The following SLC6A9 variants were observed in gnomAD, a reference collection of about 807,000 sequenced individuals.
SLC6A9 encodes solute carrier family 6 member 9.
A neutral mutation model predicts 70.9 loss-of-function variants in SLC6A9; 31 were observed. The observed-to-expected ratio is 0.44, with a 90% CI of 0.33 to 0.59. The LOEUF (loss-of-function observed/expected upper bound fraction) is 0.59, where lower values mean the gene tolerates loss of function less well. Ranked by LOEUF, SLC6A9 falls within the 20% of genes least tolerant of loss-of-function variation. The pLI is 0.04. For synonymous variants in SLC6A9, 310 were observed against 341.3 expected, an observed-to-expected ratio of 0.91 and a Z score of 1.01; for missense variants, 631 against 845.2, an observed-to-expected ratio of 0.75 and a Z score of 3.14.
chr1:44,017,408 C>CAGAG (rs1491096587), intron 2 of SLC6A9: 2 of 958,138 alleles, frequency 2.1e-6, no homozygotes, highest in African/African-American at 3.7e-5. Flanking sequence ...CACACACACA[C>CAGAG]AGACTGGGGC....
intron 5 of SLC6A9, 26 bp downstream of exon 5, chr1:44,008,327 C>G (rs202006940): frequency 1.2e-4 from 197 of 1,610,498 alleles, no homozygotes; most frequent in Non-Finnish European, 1.6e-4. Flanking sequence ...AGGTTCCCCC[C>G]ACCCCAGGTC....
chr1:44,010,545 C>T, intron 3 of SLC6A9, 181 bp downstream of exon 3: 1 of 547,772 alleles, frequency 1.8e-6, no homozygotes, highest in Non-Finnish European at 3.2e-6. Flanking sequence ...AACAGACTGC[C>T]AGGGTCTGGG....
chr1:44,008,741 T>C, intron 4 of SLC6A9, 118 bp from the exon 5 acceptor site: 1 of 801,522 alleles, frequency 1.2e-6, no homozygotes, highest in East Asian at 2.7e-5. Flanking sequence ...AGTCTAGCTC[T>C]GTTGCCCAGG....
chr1:44,029,656 C>T (rs957487960), intron 1 of SLC6A9, among the ~76,000 whole-genome samples: 7 of 152,184 alleles, frequency 4.6e-5, no homozygotes, highest in Admixed American at 3.9e-4. Context: ...CTTCCTTGTG[C>T]CCAAGTCTGG....
rs1398675230 is a variant in SLC6A9, at chr1:44,008,450, G to T, written c.493C>A (p.Leu165Ile). 2.5e-6 allele frequency: 4 copies of T among 1,614,074 alleles called. No individual in the cohort carries two copies. The highest frequency in any genetic ancestry group is 3.4e-6 in the Non-Finnish European group (4 of 1,180,004). Residue 165 changes from leucine to isoleucine, a missense_variant, in exon 5 of 14, where the codon CTC becomes ATC. By Grantham distance (5) the Leu-to-Ile change is conservative (BLOSUM62 2). Transcript: ENST00000372310. ...DCAGVLDASN[L>I]TNGSRPAALP... ...GCGGCTGGCCGAGAGCCATTGGTGA[G>T]GTTGGAGGCGTCCAGTACACCGGCG...
intron 4 of SLC6A9, among the ~76,000 whole-genome samples, chr1:44,009,297 A>G (rs1434503729): frequency 6.8e-6 from 1 of 148,148 alleles, no homozygotes; most frequent in African/African-American, 2.5e-5. Context: ...TTGGCTCACT[A>G]CAAGCTCTGC....
At chr1:44,017,112 C>T (rs1187945067) in intron 2 of SLC6A9, 1 of 1,606,394 alleles carries the variant, frequency 6.2e-7, no homozygotes. Flanking sequence ...GCGATCGCAG[C>T]CCGCGTGTCT....
rs115541116 is a variant in SLC6A9 at position 44,016,515 on chromosome 1, G to A, written c.31-5633C>T. The stretch of plus-strand genomic sequence containing the variant: ...CGGCGTCCAGGGATGAGGACACACC[G>A]GCTCCCAGCCCATGCGGGCACTTGC... On this transcript the variant is annotated intron_variant, in intron 2 of 13. Coordinates refer to ENST00000372310, the MANE Select transcript of SLC6A9 (RefSeq NM_001024845.3). 533 of 153,320 alleles carry A rather than the reference G, an allele frequency of 3.5e-3. 2 individuals carry two copies. The highest frequency in any genetic ancestry group is 5.6e-3 in the Non-Finnish European group (388 of 68,822). The allele number at this position is 153,320 out of a possible 1,614,324, so 9.5% of individuals were successfully genotyped here.
intron 2 of SLC6A9, among the ~76,000 whole-genome samples, chr1:44,020,280 CA>C (rs992278436): frequency 2.0e-5 from 3 of 152,230 alleles, no homozygotes; most frequent in Admixed American, 2.0e-4. Flanking sequence ...CGATGCTGAT[CA>C]GCAGAGTGCC....
chr1:44,015,137 A>C (rs1292547838), intron 2 of SLC6A9, among the ~76,000 whole-genome samples: 1 of 152,222 alleles, frequency 6.6e-6, no homozygotes. Flanking sequence ...ACACACAAAA[A>C]AATTAGAAAA....
chr1:44,019,975 G>GGGCCC (rs1442806117), intron 2 of SLC6A9, among the ~76,000 whole-genome samples: 1 of 152,178 alleles, frequency 6.6e-6, no homozygotes, highest in Non-Finnish European at 1.5e-5. Flanking sequence ...AGGGAGGGCA[G>GGGCCC]GGCCCCCGAC....
intron 2 of SLC6A9, among the ~76,000 whole-genome samples, chr1:44,020,553 G>T (rs941664698): frequency 4.6e-5 from 7 of 152,320 alleles, no homozygotes; most frequent in Admixed American, 4.6e-4. Flanking sequence ...TGCACTAGTT[G>T]AGCATTTGCC....
At chr1:44,019,356 C>T (rs1410565871) in intron 2 of SLC6A9, among the ~76,000 whole-genome samples, 1 of 152,234 alleles carries the variant, frequency 6.6e-6, no homozygotes, top group Non-Finnish European at 1.5e-5. Flanking sequence ...AAGATGGGGA[C>T]AGGCCTTGGC....
chr1:44,011,366 C>T lies in SLC6A9; in HGVS notation c.31-484G>A, dbSNP rs192270735. On this transcript the variant is annotated intron_variant, in intron 2 of 13. Transcript: ENST00000372310. ...CACGCTGCCCCTGGGCAGGCGACTG[C>T]GGGGGAGGGGAGGTTAGACCCCTCC... Among the ~76,000 whole-genome samples, 247 of 152,148 alleles carry T rather than the reference C, an allele frequency of 1.6e-3. 3 individuals are homozygous for T. In the East Asian group the frequency reaches 0.036, roughly 22 times the overall value.
intron 1 of SLC6A9, among the ~76,000 whole-genome samples, chr1:44,026,954 CGTG>C (rs1193751842): frequency 6.6e-6 from 1 of 152,152 alleles, no homozygotes; most frequent in Non-Finnish European, 1.5e-5. Context: ...TCAGGTAGTT[CGTG>C]GACTGGAGGG....
At chr1:44,011,304 C>A (rs1305017793) in intron 2 of SLC6A9, among the ~76,000 whole-genome samples, 3 of 152,096 alleles carry the variant, frequency 2.0e-5, no homozygotes, top group Non-Finnish European at 2.9e-5. Context: ...GTCCAGACAG[C>A]CCCCCCACCC....
intron 2 of SLC6A9, among the ~76,000 whole-genome samples, chr1:44,021,564 C>T (rs1265374821): frequency 1.3e-5 from 2 of 152,212 alleles, no homozygotes; most frequent in Non-Finnish European, 2.9e-5. Flanking sequence ...GTGAGGATCC[C>T]ATGGTAGGGG....
intron 2 of SLC6A9, among the ~76,000 whole-genome samples, chr1:44,023,925 C>T (rs1309637500): frequency 2.0e-5 from 3 of 152,246 alleles, no homozygotes. Flanking sequence ...CCTTGATCAG[C>T]ACAGACTGAA....
At position 44,000,991 on chromosome 1, in the gene SLC6A9, G is replaced by A. The variant is rs1262397354; in HGVS notation, c.1400C>T (p.Ser467Phe). 6.3e-7 allele frequency: 1 copy of A among 1,589,962 alleles called. No homozygotes were observed. Among genetic ancestry groups the A allele is most frequent in the Non-Finnish European group, 8.6e-7 (1 of 1,166,388 alleles). Residue 467 changes from serine (S) to phenylalanine (F), a missense_variant, in exon 11 of 14, where the codon TCC (serine) becomes TTC (phenylalanine). Ser to Phe is a radical substitution (Grantham distance 155, BLOSUM62 -2). Coordinates refer to ENST00000372310, the MANE Select transcript of SLC6A9 (RefSeq NM_001024845.3). The part of the protein sequence containing the change: ...YAASFSLVVI[S>F]CIMCVAIMYI... ...CATGATGGCCACACACATGATGCAG[G>A]AGATGACCACCAAGGAGAAGCTGGC... is the stretch of plus-strand genomic sequence containing the variant.
Sources: gnomAD v4.1 joint callset for allele counts (sites outside exome capture counted in the v4.1 genomes callset) on GRCh38, gnomAD v4.1.1 for gene constraint, MANE v1.5 for transcripts, NCBI Gene and HGNC (gene_info 2026-07-23, HGNC 2026-07-21) for gene names.